Variants in PDE4D observed in about 807,000 individuals in gnomAD.
PDE4D encodes phosphodiesterase 4D.
A neutral mutation model predicts 87.4 loss-of-function variants in PDE4D; 24 were observed. The ratio of observed to expected loss-of-function variants is 0.27; its 90% CI spans 0.20 to 0.39. The LOEUF (loss-of-function observed/expected upper bound fraction) is 0.39. Ranked by LOEUF, PDE4D falls within the 10% of genes least tolerant of loss-of-function variation. The probability of loss-of-function intolerance (pLI) is 1.00; values close to 1 mark genes in which losing one functional copy is unlikely to be tolerated. For missense variants in PDE4D, 714 were observed against 1,041.0 expected (o/e 0.69, Z 4.32); for synonymous variants, 384 against 383.2 (o/e 1.00, Z -0.02).
chr5:59,356,965 C>A, intron 1 of PDE4D: 1 of 1,284,412 alleles, frequency 7.8e-7, no homozygotes, highest in Non-Finnish European at 1.0e-6. Context: ...AGGGCATTTC[C>A]TTTGTGCAGT....
rs555356368 is a variant in PDE4D at position 60,210,358 on chromosome 5, A to T, written c.-89-24671T>A. On this transcript the variant is annotated intron_variant, in intron 1 of 16. Transcript: ENST00000502484. ...GAGATGTCTCATTTGTTTTTTTTTT[A>T]AAAAAACAACTTTTAAAACCACATG... 5.0e-4 allele frequency among the ~76,000 whole-genome samples: 75 copies of T among 150,566 alleles called. 1 individual carries two copies. In the South Asian group the frequency reaches 0.01, roughly 20 times the overall value.
intron 1 of PDE4D, among the ~76,000 whole-genome samples, chr5:60,379,732 T>C (rs1257536598): frequency 6.6e-6 from 1 of 152,180 alleles, no homozygotes; most frequent in African/African-American, 2.4e-5. Flanking sequence ...AGTGCTTTAA[T>C]GAGATTAGAA....
chr5:59,059,765 C>G (rs1762863013), intron 5 of PDE4D, among the ~76,000 whole-genome samples: 3 of 152,106 alleles, frequency 2.0e-5, no homozygotes, highest in African/African-American at 7.2e-5. Flanking sequence ...CTACTAAGTT[C>G]ATATGGTAAA....
At chr5:60,424,817 T>G (rs879035412) in intron 1 of PDE4D, among the ~76,000 whole-genome samples, 3 of 152,202 alleles carry the variant, frequency 2.0e-5, no homozygotes, top group African/African-American at 7.2e-5. Context: ...CTTAAGCTGA[T>G]AAGCAACTTC....
rs774595138 is a variant in PDE4D, at chr5:59,153,799, C to A, written c.808+26796G>T. On this transcript the variant is annotated intron_variant, in intron 5 of 14. Coordinates refer to ENST00000340635, the MANE Select transcript of PDE4D (RefSeq NM_001104631.2). ...TTTTTTTTTAATAAAGAGGCATAGA[C>A]CATAATTTTTAGAGCAATTTCATTA... 7.3e-5 allele frequency among the ~76,000 whole-genome samples: 11 copies of A among 151,264 alleles called. 1 individual carries two copies. In the South Asian group the frequency reaches 1.0e-3, roughly 14 times the overall value.
chr5:59,677,606 G>A (rs1267391736), intron 1 of PDE4D, among the ~76,000 whole-genome samples: 1 of 152,146 alleles, frequency 6.6e-6, no homozygotes, highest in Non-Finnish European at 1.5e-5. Context: ...AGACAGAAAT[G>A]ACAAAATGGC....
At chr5:59,179,885 C>T (rs1166590350) in intron 5 of PDE4D, among the ~76,000 whole-genome samples, 1 of 152,158 alleles carries the variant, frequency 6.6e-6, no homozygotes, top group Non-Finnish European at 1.5e-5. Flanking sequence ...AATTTGGTTT[C>T]AGGTTCAGCA....
At chr5:59,958,461 A>G (rs1759105744) in intron 3 of PDE4D, among the ~76,000 whole-genome samples, 2 of 152,170 alleles carry the variant, frequency 1.3e-5, no homozygotes, top group African/African-American at 2.4e-5. Context: ...ACTCATTTGC[A>G]TATCTATTTA....
At chr5:59,781,793 A>T (rs1284361614) in intron 1 of PDE4D, among the ~76,000 whole-genome samples, 1 of 147,908 alleles carries the variant, frequency 6.8e-6, no homozygotes, top group African/African-American at 2.5e-5. Context: ...TCAAAAAAAA[A>T]AAAAAAAAAA....
At chr5:59,362,433 AAGGTTAATC>A (rs2153593675) in intron 1 of PDE4D, among the ~76,000 whole-genome samples, 1 of 152,256 alleles carries the variant, frequency 6.6e-6, no homozygotes, top group South Asian at 2.1e-4. Flanking sequence ...TTATATCTTG[AAGGTTAATC>A]ATATGAAGAA....
chr5:59,146,380 TAGG>T (rs1778656405), intron 5 of PDE4D, among the ~76,000 whole-genome samples: 1 of 152,186 alleles, frequency 6.6e-6, no homozygotes, highest in Non-Finnish European at 1.5e-5. Context: ...CGATCCTTTC[TAGG>T]GCACGTTTTG....
chr5:60,452,587 T>C (rs958709206), intron 1 of PDE4D, among the ~76,000 whole-genome samples: 3 of 152,070 alleles, frequency 2.0e-5, no homozygotes, highest in African/African-American at 4.8e-5. Flanking sequence ...GTACAAAAGA[T>C]ATGTTTGCAT....
intron 1 of PDE4D, among the ~76,000 whole-genome samples, chr5:60,219,929 T>C (rs1161473673): frequency 2.0e-5 from 3 of 152,196 alleles, no homozygotes; most frequent in Non-Finnish European, 4.4e-5. Flanking sequence ...GGAAGCAGCA[T>C]ACAGATTTAT....
At chr5:60,065,564 T>A (rs1771960250) in intron 2 of PDE4D, among the ~76,000 whole-genome samples, 1 of 152,010 alleles carries the variant, frequency 6.6e-6, no homozygotes, top group Non-Finnish European at 1.5e-5. Context: ...ATTAGGTATA[T>A]CTCCTAATGC....
intron 5 of PDE4D, among the ~76,000 whole-genome samples, chr5:59,109,002 TGG>T (rs1491582123): frequency 4.2e-5 from 6 of 143,364 alleles, no homozygotes; most frequent in African/African-American, 1.3e-4. Flanking sequence ...TGTGTGTGTG[TGG>T]TGTAGGCCTG....
At chr5:60,471,753 T>C (rs1313478681) in intron 1 of PDE4D, among the ~76,000 whole-genome samples, 1 of 152,178 alleles carries the variant, frequency 6.6e-6, no homozygotes, top group Non-Finnish European at 1.5e-5. Context: ...GATATAATGC[T>C]ATTTGCACAC....
At chr5:59,513,728 A>G (rs1810670675) in intron 1 of PDE4D, among the ~76,000 whole-genome samples, 1 of 152,240 alleles carries the variant, frequency 6.6e-6, no homozygotes, top group Non-Finnish European at 1.5e-5. Context: ...AATTTAAGAA[A>G]AACCATGAAA....
At chr5:59,512,196 A>G (rs1810396487) in intron 1 of PDE4D, among the ~76,000 whole-genome samples, 1 of 152,216 alleles carries the variant, frequency 6.6e-6, no homozygotes, top group Non-Finnish European at 1.5e-5. Context: ...CCTCATCTTT[A>G]GAGATTCTAA....
intron 3 of PDE4D, among the ~76,000 whole-genome samples, chr5:59,951,059 AATC>A (rs1758245440): frequency 6.6e-6 from 1 of 152,126 alleles, no homozygotes; most frequent in Non-Finnish European, 1.5e-5. Context: ...TAATTTATTT[AATC>A]CTCACAACAA....
Sources: gnomAD v4.1 joint callset for allele counts (sites outside exome capture counted in the v4.1 genomes callset) on GRCh38, gnomAD v4.1.1 for gene constraint, MANE v1.5 for transcripts, NCBI Gene and HGNC (gene_info 2026-07-23, HGNC 2026-07-21) for gene names.